VSTM4: variants seen among roughly 807,000 people sequenced by gnomAD.
The protein encoded by VSTM4 is V-set and transmembrane domain containing 4.
VSTM4 carries 20 observed loss-of-function variants against 36.4 expected under a neutral mutation model. That is an observed-to-expected ratio of 0.55 (90% CI 0.39 to 0.80). The LOEUF is 0.80. VSTM4 is among the 30% of genes least tolerant of loss of function. The pLI, the probability that VSTM4 is intolerant of heterozygous loss-of-function variation, is 0.00. For synonymous variants in VSTM4, 182 were observed against 173.9 expected, an observed-to-expected ratio of 1.05 and a Z score of -0.37; for missense variants, 392 against 404.5, an observed-to-expected ratio of 0.97 and a Z score of 0.26.
At chr10:49,041,817 CTTA>C (rs1843525756) in intron 7 of VSTM4, among the ~76,000 whole-genome samples, 1 of 152,114 alleles carries the variant, frequency 6.6e-6, no homozygotes, top group Non-Finnish European at 1.5e-5. Context: ...ATGAGAAAAT[CTTA>C]TTGTGAGAAT....
At chr10:49,045,867 T>A (rs1423806032) in intron 7 of VSTM4, among the ~76,000 whole-genome samples, 5 of 152,130 alleles carry the variant, frequency 3.3e-5, no homozygotes, top group African/African-American at 1.2e-4. Flanking sequence ...CATGATATGG[T>A]TTGGCTCTGT....
At chr10:49,041,502 A>G (rs1173808562) in intron 7 of VSTM4, among the ~76,000 whole-genome samples, 1 of 152,244 alleles carries the variant, frequency 6.6e-6, no homozygotes, top group Non-Finnish European at 1.5e-5. Context: ...CCAGAGAAGC[A>G]CATCAGCTCA....
At chr10:49,108,889 G>T in intron 1 of VSTM4, among the ~76,000 whole-genome samples, 1 of 152,070 alleles carries the variant, frequency 6.6e-6, no homozygotes, top group Non-Finnish European at 1.5e-5. Flanking sequence ...CAGAGAGGCC[G>T]ACTGCTGAAG....
At chr10:49,088,417 C>T (rs1003060084) in intron 2 of VSTM4, among the ~76,000 whole-genome samples, 8 of 152,236 alleles carry the variant, frequency 5.3e-5, no homozygotes, top group African/African-American at 1.9e-4. Flanking sequence ...TCACACCCAA[C>T]CTCCTTGACC....
chr10:49,026,503 A>G (rs1420889033), intron 7 of VSTM4, among the ~76,000 whole-genome samples: 2 of 152,258 alleles, frequency 1.3e-5, no homozygotes, highest in Non-Finnish European at 2.9e-5. Flanking sequence ...TTTCAAGATA[A>G]AGTGAAATAC....
rs1178925033 is a variant in VSTM4, at chr10:49,017,379, T to G, written c.*2271A>C. ...AGATTCCCCTGGGCAGCATTTTCAG[T>G]AGGAGGAGATAATCTGCAGGTTCCC... On this transcript the variant is annotated 3_prime_UTR_variant, in exon 8 of 8. Transcript: ENST00000332853. The G allele has an allele frequency of 6.6e-6, 1 of 152,176 alleles. No homozygotes were observed. The highest frequency in any genetic ancestry group is 1.5e-5 in the Non-Finnish European group (1 of 68,040). 9.4% of individuals were successfully genotyped at this position (152,176 alleles called of 1,614,324 possible).
chr10:49,106,156 C>T (rs184875549), intron 2 of VSTM4, among the ~76,000 whole-genome samples: 2 of 152,296 alleles, frequency 1.3e-5, no homozygotes, highest in East Asian at 3.9e-4. Flanking sequence ...AATTATTTTA[C>T]TCTATGTCCC....
At chr10:49,076,180 C>A (rs1232932841) in intron 4 of VSTM4, among the ~76,000 whole-genome samples, 1 of 152,152 alleles carries the variant, frequency 6.6e-6, no homozygotes, top group African/African-American at 2.4e-5. Flanking sequence ...CAAACTGTGA[C>A]CACTGAATCT....
At chr10:49,097,227 C>T (rs1844589780) in intron 2 of VSTM4, among the ~76,000 whole-genome samples, 1 of 152,204 alleles carries the variant, frequency 6.6e-6, no homozygotes, top group Admixed American at 6.5e-5. Flanking sequence ...CTTGGAATCT[C>T]TCCAGGCAGC....
At chr10:49,030,292 G>C (rs1395695308) in intron 7 of VSTM4, among the ~76,000 whole-genome samples, 1 of 152,178 alleles carries the variant, frequency 6.6e-6, no homozygotes, top group South Asian at 2.1e-4. Flanking sequence ...TCAGATGTGA[G>C]GGCTGGAATC....
intron 2 of VSTM4, among the ~76,000 whole-genome samples, chr10:49,095,567 C>T (rs1284117598): frequency 6.6e-6 from 1 of 152,150 alleles, no homozygotes; most frequent in African/African-American, 2.4e-5. Flanking sequence ...CCTCTTGCAA[C>T]ACTTTTGAGC....
chr10:49,026,759 C>A (rs1843268132), intron 7 of VSTM4, among the ~76,000 whole-genome samples: 1 of 152,158 alleles, frequency 6.6e-6, no homozygotes. Context: ...GCAGAGGAAC[C>A]CGCTGCTACC....
chr10:49,049,953 C>T (rs910916623), intron 5 of VSTM4, among the ~76,000 whole-genome samples: 6 of 152,114 alleles, frequency 3.9e-5, no homozygotes, highest in Admixed American at 6.6e-5. Flanking sequence ...TCCAGGAATT[C>T]GTTCTATGGA....
chr10:49,016,773 C>T lies in VSTM4; in HGVS notation c.*2877G>A, dbSNP rs1025942403. ...TCGTAAAAAGGTGACTCTAAGGAAT[C>T]CCAGGCCTCTCCTCCACTACAGCTG... On this transcript the variant is annotated 3_prime_UTR_variant, in exon 8 of 8. Transcript: ENST00000332853. 2.0e-5 allele frequency: 3 copies of T among 152,228 alleles called. No individual in the cohort carries two copies. The highest frequency in any genetic ancestry group is 7.2e-5 in the African/African-American group (3 of 41,454). The allele number at this position is 152,228 out of a possible 1,614,324, so 9.4% of individuals were successfully genotyped here. A position where few individuals can be genotyped will look rare whatever the true frequency, so the allele number is the denominator to read the frequency against.
chr10:49,082,462 G>A (rs1351083090), intron 3 of VSTM4, among the ~76,000 whole-genome samples: 4 of 152,200 alleles, frequency 2.6e-5, no homozygotes, highest in African/African-American at 4.8e-5. Context: ...TCGGGAGTTC[G>A]AAACCAGCCT....
rs192415720 is a variant in VSTM4 at position 49,025,356 on chromosome 10, G to A, written c.838-5581C>T. ...GGGTGGGAGAATATACGAGATTAAG[G>A]CATTTATGTCAGCAGCAGAGCACCC... On this transcript the variant is annotated intron_variant, in intron 7 of 7. Coordinates refer to ENST00000332853, the MANE Select transcript of VSTM4 (RefSeq NM_001031746.5). Among the ~76,000 whole-genome samples the A allele has an allele frequency of 1.8e-4, 27 of 152,218 alleles. 1 individual carries two copies. The highest frequency in any genetic ancestry group is 1.8e-3 in the Admixed American group (27 of 15,296).
chr10:49,072,965 T>C (rs747454719), intron 4 of VSTM4, among the ~76,000 whole-genome samples: 4 of 152,364 alleles, frequency 2.6e-5, no homozygotes, highest in Non-Finnish European at 4.4e-5. Flanking sequence ...CAGCAAGAGA[T>C]ACCTTGAACA....
intron 3 of VSTM4, among the ~76,000 whole-genome samples, chr10:49,080,458 A>C (rs1181117126): frequency 6.6e-6 from 1 of 152,252 alleles, no homozygotes; most frequent in Non-Finnish European, 1.5e-5. Context: ...TGTGTTCTTA[A>C]GGCAGTCAGC....
At chr10:49,051,209 C>G (rs1444147285) in intron 5 of VSTM4, among the ~76,000 whole-genome samples, 1 of 152,054 alleles carries the variant, frequency 6.6e-6, no homozygotes, top group Non-Finnish European at 1.5e-5. Flanking sequence ...GCCTATTCAT[C>G]CCTCCCTCTA....
Sources: gnomAD v4.1 joint callset for allele counts (sites outside exome capture counted in the v4.1 genomes callset) on GRCh38, gnomAD v4.1.1 for gene constraint, MANE v1.5 for transcripts, NCBI Gene and HGNC (gene_info 2026-07-23, HGNC 2026-07-21) for gene names.